GUCY2F: variants seen among roughly 807,000 people sequenced by gnomAD.
GUCY2F encodes the protein retinal guanylyl cyclase 2.
Under a neutral mutation model 73.1 loss-of-function variants are expected in GUCY2F, and 61 were observed. That is an observed-to-expected ratio of 0.83 (90% CI 0.68 to 1.03). The LOEUF (loss-of-function observed/expected upper bound fraction) is 1.03. Ranked by LOEUF, GUCY2F falls within the 50% of genes least tolerant of loss-of-function variation. The probability of loss-of-function intolerance (pLI) is 0.00; values close to 1 mark genes in which losing one functional copy is unlikely to be tolerated. For missense variants in GUCY2F, 912 were observed against 854.3 expected, an observed-to-expected ratio of 1.07 and a Z score of -0.84; for synonymous variants, 331 against 307.8, an observed-to-expected ratio of 1.08 and a Z score of -0.79.
At position 109,475,415 on chromosome X, in the gene GUCY2F, C is replaced by T. The variant is rs773735531; in HGVS notation, c.522G>A (p.Arg174=). The T allele has an allele frequency of 8.3e-7, 1 of 1,209,098 alleles. No individual in the cohort carries two copies. Among genetic ancestry groups the T allele is most frequent in the East Asian group, 3.0e-5 (1 of 33,745 alleles). ...AATATTTCATGACAGTTACAAGCAC[C>T]CGGATGGGAGAAGGGAGTGTCCGAG... ...TFSRTLPSPI[R]VLVTVMKYFQ... The change falls in exon 2 of 20, where the codon CGG becomes CGA. Residue 174 remains arginine, a synonymous_variant. Transcript: ENST00000218006.
intron 8 of GUCY2F, among the ~76,000 whole-genome samples, chrX:109,425,739 AT>A (rs1217911712): frequency 2.7e-5 from 3 of 110,773 alleles, no homozygotes; most frequent in African/African-American, 9.9e-5. Context: ...AATCTCACAA[AT>A]TGCCACTAAA....
At chrX:109,386,178 T>C (rs995383979) in intron 15 of GUCY2F, among the ~76,000 whole-genome samples, 7 of 111,696 alleles carry the variant, frequency 6.3e-5, no homozygotes, top group African/African-American at 2.3e-4. Context: ...TCTCCAGGAA[T>C]TTATAGTCTA....
intron 1 of GUCY2F, among the ~76,000 whole-genome samples, chrX:109,480,903 A>G (rs1235357225): frequency 9.1e-6 from 1 of 109,464 alleles, no homozygotes; most frequent in Non-Finnish European, 1.9e-5. Context: ...AAAAAGAAAA[A>G]AGAAAAAAAG....
chrX:109,445,932 G>T, intron 6 of GUCY2F, among the ~76,000 whole-genome samples: 1 of 111,794 alleles, frequency 8.9e-6, no homozygotes, highest in Middle Eastern at 4.7e-3. Context: ...AAAGTCTCAG[G>T]ATACAAAATC....
At chrX:109,385,391 G>T in intron 15 of GUCY2F, 109 bp from the exon 16 acceptor site, 1 of 432,729 alleles carries the variant, frequency 2.3e-6, no homozygotes. Flanking sequence ...AATAAAAGTT[G>T]CCATCATATA....
intron 10 of GUCY2F, among the ~76,000 whole-genome samples, chrX:109,403,344 T>G (rs1930892863): frequency 9.0e-6 from 1 of 111,269 alleles, no homozygotes; most frequent in South Asian, 3.8e-4. Flanking sequence ...AAATGGACGT[T>G]GTTGGTGTGA....
intron 7 of GUCY2F, among the ~76,000 whole-genome samples, chrX:109,439,074 G>A (rs1040373932): frequency 4.5e-5 from 5 of 112,035 alleles, no homozygotes; most frequent in African/African-American, 6.5e-5. Flanking sequence ...TTGGCACCGC[G>A]TGGATACTAC....
intron 3 of GUCY2F, among the ~76,000 whole-genome samples, chrX:109,459,549 T>A (rs1932323579): frequency 9.0e-6 from 1 of 111,270 alleles, no homozygotes; most frequent in Non-Finnish European, 1.9e-5. Context: ...AAAAGGAAGT[T>A]GGAAATGAGG....
chrX:109,373,865 G>A (rs1242457986), intron 19 of GUCY2F, among the ~76,000 whole-genome samples: 1 of 112,627 alleles, frequency 8.9e-6, no homozygotes, highest in Non-Finnish European at 1.9e-5. Flanking sequence ...GATATTTGGG[G>A]ACACAAGATA....
At chrX:109,447,232 C>G (rs1276980773) in intron 6 of GUCY2F, among the ~76,000 whole-genome samples, 1 of 111,331 alleles carries the variant, frequency 9.0e-6, no homozygotes, top group African/African-American at 3.3e-5. Context: ...CCTCAAGGAT[C>G]TAGAACTAGA....
intron 5 of GUCY2F, among the ~76,000 whole-genome samples, chrX:109,449,722 C>G (rs948470096): frequency 9.0e-6 from 1 of 111,712 alleles, no homozygotes; most frequent in Non-Finnish European, 1.9e-5. Context: ...TGAAAGTGCT[C>G]TGAAAAGCAT....
chrX:109,453,920 A>T lies in GUCY2F; in HGVS notation c.1033-61T>A. The stretch of plus-strand genomic sequence containing the variant: ...TCGCCCTAGAGCGATCTCAGAGTAT[A>T]TTCCAAGCCTGTGTTCATTATTATG... On this transcript the variant is annotated intron_variant, in intron 3 of 19. Coordinates refer to ENST00000218006, the MANE Select transcript of GUCY2F (RefSeq NM_001522.3). 4.9e-6 allele frequency: 3 copies of T among 614,909 alleles called. No homozygotes were observed. In the South Asian group the frequency reaches 9.2e-5, roughly 19 times the overall value. The allele number at this position is 614,909 out of a possible 1,213,427, so 50.7% of individuals were successfully genotyped here.
intron 1 of GUCY2F, among the ~76,000 whole-genome samples, chrX:109,476,776 AGAC>A (rs1406064011): frequency 1.0e-5 from 1 of 96,389 alleles, no homozygotes; most frequent in African/African-American, 5.5e-5. Flanking sequence ...ATAGATAGAC[AGAC>A]TATATATATA....
At chrX:109,444,744 G>A (rs1016069673) in intron 6 of GUCY2F, among the ~76,000 whole-genome samples, 2 of 111,704 alleles carry the variant, frequency 1.8e-5, no homozygotes, top group African/African-American at 3.3e-5. Context: ...CAAAGAACAC[G>A]CCTTTTCCAC....
At chrX:109,418,664 T>C (rs773550893) in intron 8 of GUCY2F, among the ~76,000 whole-genome samples, 2 of 110,911 alleles carry the variant, frequency 1.8e-5, no homozygotes, top group South Asian at 7.4e-4. Flanking sequence ...TAAATGTAAA[T>C]ATGTCGCTTA....
intron 1 of GUCY2F, 89 bp from the exon 2 acceptor site, chrX:109,476,110 A>C: frequency 2.3e-6 from 1 of 433,896 alleles, no homozygotes; most frequent in Non-Finnish European, 3.7e-6. Flanking sequence ...AAAAAAAAAA[A>C]AAAATGGCAG....
intron 1 of GUCY2F, among the ~76,000 whole-genome samples, chrX:109,479,661 T>C (rs948166009): frequency 1.8e-5 from 2 of 111,867 alleles, no homozygotes; most frequent in Admixed American, 1.9e-4. Context: ...GGAGTTGGAT[T>C]CCCCCAAAGT....
intron 9 of GUCY2F, 86 bp from the exon 10 acceptor site, chrX:109,404,570 T>C (rs969963438): frequency 1.6e-6 from 1 of 627,083 alleles, no homozygotes; most frequent in African/African-American, 2.2e-5. Context: ...GTTAATGGCA[T>C]GAGCTATTAT....
rs749926660 is a variant in GUCY2F, at chrX:109,385,285, A to G, written c.2957-3T>C. The G allele has an allele frequency of 6.4e-6, 7 of 1,088,632 alleles. No homozygotes were observed. In the Admixed American group the frequency reaches 1.1e-4, roughly 17 times the overall value. The allele number at this position is 1,088,632 out of a possible 1,213,427, so 89.7% of individuals were successfully genotyped here. A position where few individuals can be genotyped will look rare whatever the true frequency, so the allele number is the denominator to read the frequency against. On this transcript the variant is annotated splice_polypyrimidine_tract_variant and splice_region_variant and intron_variant, in intron 15 of 19. Coordinates refer to ENST00000218006, the MANE Select transcript of GUCY2F (RefSeq NM_001522.3). ...CACCACTCCAGCAACAACCGGCCCT[A>G]TAGAGTATCAGGGGGTTGGAATTAC...
Sources: allele counts gnomAD v4.1 joint callset (sites outside exome capture counted in the v4.1 genomes callset), GRCh38; gene constraint gnomAD v4.1.1; transcripts MANE v1.5; gene names NCBI Gene and HGNC (gene_info 2026-07-23, HGNC 2026-07-21).